The following CTDSPL2 variants were observed in gnomAD, a reference collection of about 807,000 sequenced individuals.
The protein encoded by CTDSPL2 is CTD small phosphatase-like protein 2.
Under a neutral mutation model 60.0 loss-of-function variants are expected in CTDSPL2, and 5 were observed. That is an observed-to-expected ratio of 0.08 (90% CI 0.04 to 0.18). CTDSPL2 has a LOEUF of 0.18. Ranked by LOEUF, CTDSPL2 falls within the 10% of genes least tolerant of loss-of-function variation. CTDSPL2 has a pLI of 1.00. For missense variants in CTDSPL2, 370 were observed against 548.8 expected (o/e 0.67, Z 3.26); for synonymous variants, 186 against 189.3 (o/e 0.98, Z 0.14).
intron 2 of CTDSPL2, among the ~76,000 whole-genome samples, chr15:44,479,477 G>T (rs2080986339): frequency 6.9e-6 from 1 of 144,910 alleles, no homozygotes; most frequent in Non-Finnish European, 1.5e-5. Context: ...CATGGTCATG[G>T]CTCACTGCAG....
At chr15:44,469,566 C>T (rs983545595) in intron 2 of CTDSPL2, among the ~76,000 whole-genome samples, 2 of 151,712 alleles carry the variant, frequency 1.3e-5, no homozygotes, top group Admixed American at 6.6e-5. Context: ...TTATTCATTT[C>T]GATTCAAGAA....
chr15:44,441,858 T>C (rs1481341715), intron 1 of CTDSPL2, among the ~76,000 whole-genome samples: 1 of 152,234 alleles, frequency 6.6e-6, no homozygotes, highest in African/African-American at 2.4e-5. Context: ...CAGTGGGTCA[T>C]AGAAGTGCTC....
chr15:44,451,251 C>T (rs997797347), intron 1 of CTDSPL2, among the ~76,000 whole-genome samples: 27 of 152,102 alleles, frequency 1.8e-4, no homozygotes, highest in Admixed American at 1.8e-3. Flanking sequence ...GAGGTGTGCA[C>T]CACCATGCCC....
intron 8 of CTDSPL2, among the ~76,000 whole-genome samples, chr15:44,511,745 A>G (rs769738579): frequency 9.2e-5 from 14 of 151,874 alleles, no homozygotes; most frequent in African/African-American, 2.4e-4. Flanking sequence ...GCACACGCCT[A>G]TAACCCCAGC....
intron 2 of CTDSPL2, among the ~76,000 whole-genome samples, chr15:44,459,941 C>T (rs2140700304): frequency 6.6e-6 from 1 of 152,138 alleles, no homozygotes; most frequent in South Asian, 2.1e-4. Context: ...GTCTTGTACT[C>T]CAGATTCATA....
intron 1 of CTDSPL2, among the ~76,000 whole-genome samples, chr15:44,452,559 G>GAA (rs574689074): frequency 5.0e-4 from 76 of 152,192 alleles, no homozygotes; most frequent in Middle Eastern, 3.4e-3. Flanking sequence ...TAAAAATGTA[G>GAA]AAGTGAAATC....
chr15:44,457,604 G>T (rs745930740), intron 1 of CTDSPL2, among the ~76,000 whole-genome samples: 1 of 151,882 alleles, frequency 6.6e-6, no homozygotes, highest in African/African-American at 2.4e-5. Flanking sequence ...TTGGTTGGGG[G>T]GGGTGGTGCG....
chr15:44,445,623 A>C (rs1268836662), intron 1 of CTDSPL2, among the ~76,000 whole-genome samples: 1 of 152,022 alleles, frequency 6.6e-6, no homozygotes, highest in Non-Finnish European at 1.5e-5. Flanking sequence ...AGCCAATTTG[A>C]AAACACAGCT....
At chr15:44,511,316 T>A (rs774178789) in intron 8 of CTDSPL2, among the ~76,000 whole-genome samples, 24 of 152,328 alleles carry the variant, frequency 1.6e-4, no homozygotes, top group Admixed American at 3.3e-4. Context: ...TATTTAAGTA[T>A]AGTTAAAGTA....
At chr15:44,507,385 C>T (rs1467445238) in intron 8 of CTDSPL2, among the ~76,000 whole-genome samples, 1 of 152,160 alleles carries the variant, frequency 6.6e-6, no homozygotes, top group Non-Finnish European at 1.5e-5. Flanking sequence ...CACCCAGCCG[C>T]AGGAGCTTTT....
chr15:44,480,899 C>A (rs2081015161), intron 2 of CTDSPL2, among the ~76,000 whole-genome samples: 1 of 152,120 alleles, frequency 6.6e-6, no homozygotes, highest in Non-Finnish European at 1.5e-5. Flanking sequence ...TTTAGTGAAA[C>A]AGCTTATATA....
chr15:44,466,741 G>A (rs904570453), intron 2 of CTDSPL2, among the ~76,000 whole-genome samples: 7 of 151,094 alleles, frequency 4.6e-5, no homozygotes, highest in Non-Finnish European at 8.8e-5. Flanking sequence ...TCAGGAGATC[G>A]AGACCACAGT....
intron 12 of CTDSPL2, among the ~76,000 whole-genome samples, chr15:44,521,629 G>C (rs568659029): frequency 6.6e-6 from 1 of 152,196 alleles, no homozygotes; most frequent in African/African-American, 2.4e-5. Flanking sequence ...AACATAGTGA[G>C]ACTCCAGCTC....
chr15:44,466,832 A>G (rs2080705747), intron 2 of CTDSPL2, among the ~76,000 whole-genome samples: 1 of 151,836 alleles, frequency 6.6e-6, no homozygotes, highest in Non-Finnish European at 1.5e-5. Context: ...CCAGCTACTC[A>G]GGAGGCTGAG....
chr15:44,465,433 C>T (rs1386194576), intron 2 of CTDSPL2, among the ~76,000 whole-genome samples: 1 of 151,994 alleles, frequency 6.6e-6, no homozygotes, highest in East Asian at 1.9e-4. Flanking sequence ...TAATGAAATA[C>T]CTGTTTTTAG....
At chr15:44,493,122 C>G (rs1227099917) in intron 5 of CTDSPL2, among the ~76,000 whole-genome samples, 1 of 151,894 alleles carries the variant, frequency 6.6e-6, no homozygotes, top group Non-Finnish European at 1.5e-5. Flanking sequence ...TGAATTGACT[C>G]CTGAGGAGTT....
intron 4 of CTDSPL2, among the ~76,000 whole-genome samples, chr15:44,490,307 T>G (rs1035694550): frequency 2.0e-5 from 3 of 152,028 alleles, no homozygotes; most frequent in Admixed American, 6.6e-5. Flanking sequence ...CCAGCTAGTT[T>G]TTATATTCTT....
intron 7 of CTDSPL2, among the ~76,000 whole-genome samples, chr15:44,498,404 G>C (rs1347527563): frequency 6.6e-6 from 1 of 151,872 alleles, no homozygotes; most frequent in Non-Finnish European, 1.5e-5. Flanking sequence ...GACCAGCCTA[G>C]ACAACATAGT....
At chr15:44,493,614 C>T (rs1257726806) in intron 5 of CTDSPL2, among the ~76,000 whole-genome samples, 1 of 151,876 alleles carries the variant, frequency 6.6e-6, no homozygotes, top group Admixed American at 6.6e-5. Context: ...GGCAATATGG[C>T]GAAACCCTGT....
Sources: gnomAD v4.1 joint callset for allele counts (sites outside exome capture counted in the v4.1 genomes callset) on GRCh38, gnomAD v4.1.1 for gene constraint, MANE v1.5 for transcripts, NCBI Gene and HGNC (gene_info 2026-07-23, HGNC 2026-07-21) for gene names.